Variants in FHIT observed in about 807,000 individuals in gnomAD.
FHIT encodes fragile histidine triad diadenosine triphosphatase.
Under a neutral mutation model 17.9 loss-of-function variants are expected in FHIT, and 19 were observed. The ratio of observed to expected loss-of-function variants is 1.06; its 90% CI spans 0.74 to 1.56. FHIT has a LOEUF of 1.56. Among genes scored for constraint, FHIT ranks in the 40% most tolerant of loss-of-function variants. FHIT has a pLI of 0.00. For synonymous variants in FHIT, 81 were observed against 69.7 expected, an observed-to-expected ratio of 1.16 and a Z score of -0.81; for missense variants, 248 against 189.2, an observed-to-expected ratio of 1.31 and a Z score of -1.82.
chr3:60,633,815 G>A (rs1051916663), intron 4 of FHIT, among the ~76,000 whole-genome samples: 1 of 152,164 alleles, frequency 6.6e-6, no homozygotes, highest in Admixed American at 6.5e-5. Context: ...CCATCTGCGC[G>A]ATTTAACCAC....
chr3:60,471,062 T>C (rs542966384), intron 5 of FHIT, among the ~76,000 whole-genome samples: 7 of 152,206 alleles, frequency 4.6e-5, no homozygotes, highest in Non-Finnish European at 1.0e-4. Context: ...TGGTGCCCTA[T>C]GCTACTATGG....
At chr3:60,026,624 C>G (rs17061847) in intron 5 of FHIT, among the ~76,000 whole-genome samples, 3,937 of 152,110 alleles carry the variant, frequency 0.026, 155 homozygotes, top group African/African-American at 0.084. Context: ...TTCTAACTTA[C>G]GACTTTTTCA....
intron 5 of FHIT, among the ~76,000 whole-genome samples, chr3:60,387,203 C>G (rs1442432381): frequency 6.6e-6 from 1 of 151,964 alleles, no homozygotes; most frequent in East Asian, 1.9e-4. Context: ...GTCAGCTAGG[C>G]TGGTCTGGAA....
At chr3:60,168,559 G>A (rs1294814890) in intron 5 of FHIT, among the ~76,000 whole-genome samples, 1 of 152,166 alleles carries the variant, frequency 6.6e-6, no homozygotes, top group Non-Finnish European at 1.5e-5. Context: ...GCCAGCACAG[G>A]GTGGGGGCAT....
chr3:60,963,950 C>T (rs1250670352), intron 3 of FHIT, among the ~76,000 whole-genome samples: 3 of 152,186 alleles, frequency 2.0e-5, no homozygotes, highest in African/African-American at 4.8e-5. Context: ...ATTAGGTCCA[C>T]CTGCTGCAGA....
At chr3:60,615,167 C>A (rs2856037) in intron 4 of FHIT, among the ~76,000 whole-genome samples, 131,975 of 152,168 alleles carry the variant, frequency 0.87, 57,395 homozygotes, top group Non-Finnish European at 0.89. Context: ...CAGGGAGCAA[C>A]TATTGGCATT....
intron 7 of FHIT, among the ~76,000 whole-genome samples, chr3:59,924,485 G>A (rs1281548055): frequency 6.6e-6 from 1 of 152,030 alleles, no homozygotes; most frequent in Non-Finnish European, 1.5e-5. Flanking sequence ...ATCTATATGG[G>A]GATTATAATG....
At chr3:60,972,437 T>G (rs1356760938) in intron 3 of FHIT, among the ~76,000 whole-genome samples, 1 of 152,198 alleles carries the variant, frequency 6.6e-6, no homozygotes, top group Non-Finnish European at 1.5e-5. Flanking sequence ...AAATTAGCTT[T>G]ATGTCTCATT....
chr3:60,888,513 A>T (rs6785032), intron 3 of FHIT, among the ~76,000 whole-genome samples: 41,777 of 151,862 alleles, frequency 0.28, 6,915 homozygotes, highest in African/African-American at 0.46. Context: ...GAAAAAAAAA[A>T]ATATAGGTTT....
intron 5 of FHIT, among the ~76,000 whole-genome samples, chr3:60,502,199 A>G (rs941048502): frequency 4.6e-5 from 7 of 152,210 alleles, no homozygotes; most frequent in Admixed American, 2.0e-4. Flanking sequence ...CTTAGAACAC[A>G]GGAAGAGTAA....
chr3:60,530,095 G>A (rs558691831), intron 5 of FHIT, among the ~76,000 whole-genome samples: 2 of 152,136 alleles, frequency 1.3e-5, no homozygotes, highest in African/African-American at 2.4e-5. Context: ...TGCACAGCAC[G>A]GTCTGGGGCT....
At chr3:59,916,840 A>T (rs1705156609) in intron 8 of FHIT, among the ~76,000 whole-genome samples, 1 of 152,236 alleles carries the variant, frequency 6.6e-6, no homozygotes, top group Non-Finnish European at 1.5e-5. Context: ...TTAATTTAGA[A>T]GAACATATCA....
intron 1 of FHIT, among the ~76,000 whole-genome samples, chr3:61,236,102 T>G (rs972118188): frequency 2.6e-5 from 4 of 151,114 alleles, no homozygotes; most frequent in African/African-American, 9.7e-5. Flanking sequence ...GCCAGGAAAG[T>G]GCTAAGTCAA....
chr3:60,867,189 T>C (rs1704203013), intron 3 of FHIT, among the ~76,000 whole-genome samples: 1 of 150,916 alleles, frequency 6.6e-6, no homozygotes, highest in Non-Finnish European at 1.5e-5. Flanking sequence ...TTGCTTATTA[T>C]CTATTTCCTG....
At chr3:61,093,218 C>T (rs190721239) in intron 2 of FHIT, among the ~76,000 whole-genome samples, 9 of 151,970 alleles carry the variant, frequency 5.9e-5, no homozygotes, top group Admixed American at 3.3e-4. Flanking sequence ...GAGCACACAA[C>T]GATAAACGTT....
At chr3:59,884,696 C>A (rs73100668) in intron 8 of FHIT, among the ~76,000 whole-genome samples, 3 of 152,048 alleles carry the variant, frequency 2.0e-5, no homozygotes, top group African/African-American at 7.2e-5. Flanking sequence ...AGGGGAGTCA[C>A]GCTATGGGAC....
chr3:60,858,584 T>C (rs1703481390), intron 3 of FHIT, among the ~76,000 whole-genome samples: 1 of 152,190 alleles, frequency 6.6e-6, no homozygotes, highest in Non-Finnish European at 1.5e-5. Context: ...TTCTTCTACC[T>C]TGCTCCATGA....
chr3:60,608,708 T>C (rs1271745519), intron 4 of FHIT, among the ~76,000 whole-genome samples: 4 of 152,152 alleles, frequency 2.6e-5, no homozygotes, highest in African/African-American at 9.7e-5. Context: ...TAGGAATATA[T>C]TTTAGGAATA....
At chr3:60,296,670 C>G (rs1275169813) in intron 5 of FHIT, among the ~76,000 whole-genome samples, 1 of 151,982 alleles carries the variant, frequency 6.6e-6, no homozygotes, top group Non-Finnish European at 1.5e-5. Flanking sequence ...TTAAACTAAT[C>G]AATTTTTCCT....
Sources: allele counts gnomAD v4.1 joint callset (sites outside exome capture counted in the v4.1 genomes callset), GRCh38; gene constraint gnomAD v4.1.1; transcripts MANE v1.5; gene names NCBI Gene and HGNC (gene_info 2026-07-23, HGNC 2026-07-21).